LPAR5: variants seen among roughly 807,000 people sequenced by gnomAD.
The protein encoded by LPAR5 is G protein-coupled receptor 92.
For missense variants in LPAR5, 544 were observed against 521.8 expected, an observed-to-expected ratio of 1.04 and a Z score of -0.41; for synonymous variants, 271 against 261.6, an observed-to-expected ratio of 1.04 and a Z score of -0.35.
intron 1 of LPAR5, among the ~76,000 whole-genome samples, chr12:6,631,116 A>G (rs1948978310): frequency 6.6e-6 from 1 of 152,230 alleles, no homozygotes; most frequent in Admixed American, 6.5e-5. Context: ...AAGGAACACC[A>G]GGAAGGAGGG....
chr12:6,623,506 C>T (rs1948911367), intron 1 of LPAR5, among the ~76,000 whole-genome samples: 1 of 151,954 alleles, frequency 6.6e-6, no homozygotes, highest in African/African-American at 2.4e-5. Flanking sequence ...TGCACTCCAG[C>T]CTGGGTGACA....
chr12:6,625,404 A>G (rs552699622), intron 1 of LPAR5, among the ~76,000 whole-genome samples: 2,544 of 116,736 alleles, frequency 0.022, 43 homozygotes, highest in Non-Finnish European at 0.033. Context: ...CAGCCTGGGC[A>G]ACAGAGACTC....
chr12:6,625,691 C>T (rs1319108506), intron 1 of LPAR5, among the ~76,000 whole-genome samples: 1 of 150,480 alleles, frequency 6.6e-6, no homozygotes, highest in Non-Finnish European at 1.5e-5. Flanking sequence ...CCACTGCATT[C>T]CAGCCTGGGC....
chr12:6,620,574 C>G lies in LPAR5; in HGVS notation c.675G>C (p.Gln225His). The change falls in exon 2 of 2, where the codon CAG (glutamine) becomes CAC (histidine). Residue 225 changes from glutamine (Q) to histidine (H), a missense_variant. Gln to His is a conservative substitution (Grantham distance 24). Coordinates refer to ENST00000329858, the MANE Select transcript of LPAR5 (RefSeq NM_020400.6). This position sits in a 1 kb window ranked among gnomAD's most constrained non-coding sequence, Gnocchi z 6.8. Reference sequence around the variant, plus strand: ...GCACGGTCTTCCGCCGCCGCTGGCTCTGCGTGGCGTCGGGGCGCGCCAGCG... The same window carrying G: ...GCACGGTCTTCCGCCGCCGCTGGCTGTGCGTGGCGTCGGGGCGCGCCAGCG... ...FWTLARPDAT[Q>H]SQRRRKTVRL... 6.4e-7 allele frequency: 1 copy of G among 1,553,474 alleles called. No individual in the cohort carries two copies. The highest frequency in any genetic ancestry group is 8.7e-7 in the Non-Finnish European group (1 of 1,148,818).
In LPAR5 at chr12:6,620,658, C is replaced by G; in HGVS notation, c.591G>C (p.Ala197=). ...RLLPLVLLAE[A]LGFLLPLAAV... ...CCGCCAGGGGCAGCAGGAAGCCCAGCGCCTCGGCCAGCAGCACGAGGGGCA... is the reference window on the plus strand; with the variant it reads ...CCGCCAGGGGCAGCAGGAAGCCCAGGGCCTCGGCCAGCAGCACGAGGGGCA... The change falls in exon 2 of 2, where the codon GCG becomes GCC. Residue 197 remains alanine (A), a synonymous_variant. Transcript: ENST00000329858. The surrounding 1 kb of genome is among the most constrained non-coding windows in gnomAD (Gnocchi z 6.8). 3 of 1,557,586 alleles carry G rather than the reference C, an allele frequency of 1.9e-6. No individual in the cohort carries two copies. The highest frequency in any genetic ancestry group is 2.4e-5 in the South Asian group (2 of 85,040).
intron 1 of LPAR5, among the ~76,000 whole-genome samples, chr12:6,624,052 T>C (rs1422837244): frequency 2.0e-5 from 3 of 152,196 alleles, no homozygotes; most frequent in Non-Finnish European, 4.4e-5. Flanking sequence ...AGGGCTGGAT[T>C]TGTGGTCAAA....
Position 6,620,247 on chromosome 12 carries a change from C to T in LPAR5, c.1002G>A (p.Arg334=). The T allele has an allele frequency of 6.2e-7, 1 of 1,610,646 alleles. No individual in the cohort carries two copies. The highest frequency in any genetic ancestry group is 1.1e-5 in the South Asian group (1 of 90,800). ...GTRAALAQSE[R]SAVTTDATRP... ...TGGTGGCGTCGGTGGTGACGGCGGA[C>T]CTTTCGGATTGCGCGAGCGCCGCCC... Residue 334 remains arginine (R), a synonymous_variant, in exon 2 of 2, where the codon AGG becomes AGA. Transcript: ENST00000329858. This position sits in a 1 kb window ranked among gnomAD's most constrained non-coding sequence, Gnocchi z 6.8.
chr12:6,623,408 C>T (rs566238911), intron 1 of LPAR5, among the ~76,000 whole-genome samples: 8 of 151,758 alleles, frequency 5.3e-5, no homozygotes, highest in Non-Finnish European at 1.0e-4. Context: ...GTGGCGTGCA[C>T]TTGTAATCCC....
chr12:6,632,153 C>G (rs563369288), intron 1 of LPAR5, among the ~76,000 whole-genome samples: 1 of 151,846 alleles, frequency 6.6e-6, no homozygotes, highest in African/African-American at 2.4e-5. Flanking sequence ...TTGTATTTTT[C>G]GTAGAGACGG....
rs1301538752 is a variant in LPAR5 at position 6,620,189 on chromosome 12, G to A, written c.1060C>T (p.Pro354Ser). ...PDAASQGLLRPSDSHSLSSFT... is the reference protein window; with the variant it reads ...PDAASQGLLRSSDSHSLSSFT... ...GAAGACAGAGAGTGGGAGTCGGAGG[G>A]TCGGAGCAGCCCCTGACTGGCGGCA... is the stretch of plus-strand genomic sequence containing the variant. Residue 354 changes from proline to serine, a missense_variant, in exon 2 of 2, where the codon CCC becomes TCC. Coordinates refer to ENST00000329858, the MANE Select transcript of LPAR5 (RefSeq NM_020400.6). The surrounding 1 kb of genome is among the most constrained non-coding windows in gnomAD (Gnocchi z 6.8). 6.2e-7 allele frequency: 1 copy of A among 1,613,240 alleles called. No homozygotes were observed. Among genetic ancestry groups the A allele is most frequent in the Non-Finnish European group, 8.5e-7 (1 of 1,179,580 alleles).
At position 6,619,627 on chromosome 12, in the gene LPAR5, GC is replaced by G. The variant is rs1472255123; in HGVS notation, c.*502del. On this transcript the variant is annotated 3_prime_UTR_variant, in exon 2 of 2. Coordinates refer to ENST00000329858, the MANE Select transcript of LPAR5 (RefSeq NM_020400.6). ...CTGTCCATAGGAACTCTTGTATTAG[GC>G]CTCAGTGGTGAGCAGGGGAAGCCTA... 1 of 297,876 alleles carries G rather than the reference GC, an allele frequency of 3.4e-6. No individual in the cohort carries two copies. Among genetic ancestry groups the G allele is most frequent in the Non-Finnish European group, 6.7e-6 (1 of 148,664 alleles). 18.5% of individuals were successfully genotyped at this position (297,876 alleles called of 1,614,324 possible).
intron 1 of LPAR5, among the ~76,000 whole-genome samples, chr12:6,630,676 T>C (rs896825258): frequency 7.9e-5 from 12 of 151,910 alleles, no homozygotes; most frequent in Non-Finnish European, 1.2e-4. Context: ...GGTATTGAAC[T>C]CCTGACCTGA....
At chr12:6,627,969 A>G (rs1020109886) in intron 1 of LPAR5, among the ~76,000 whole-genome samples, 2 of 151,998 alleles carry the variant, frequency 1.3e-5, no homozygotes, top group Non-Finnish European at 2.9e-5. Context: ...ACAAGATTTC[A>G]ATAACAGTTT....
chr12:6,629,089 C>T (rs1470380848), intron 1 of LPAR5, among the ~76,000 whole-genome samples: 1 of 146,560 alleles, frequency 6.8e-6, no homozygotes, highest in Admixed American at 6.8e-5. Context: ...GAAAAAGTTA[C>T]AATGTACCGG....
In LPAR5 at chr12:6,632,845, A is replaced by T. The variant is rs1027510986; in HGVS notation, c.-217+3062T>A. On this transcript the variant is annotated intron_variant, in intron 1 of 1. Transcript: ENST00000329858. Reference sequence around the variant, plus strand: ...TGGGCGGGGAGGCCTCCTTCTGCCCAGGGGCCACATTCTTCCTCAGAGAGG... The same window carrying T: ...TGGGCGGGGAGGCCTCCTTCTGCCCTGGGGCCACATTCTTCCTCAGAGAGG... Among the ~76,000 whole-genome samples, 8 of 152,306 alleles carry T rather than the reference A, an allele frequency of 5.3e-5. 1 individual carries two copies. Among genetic ancestry groups the T allele is most frequent in the Admixed American group, 2.0e-4 (3 of 15,300 alleles).
intron 1 of LPAR5, among the ~76,000 whole-genome samples, chr12:6,635,202 G>T (rs1024456668): frequency 1.3e-5 from 2 of 152,170 alleles, no homozygotes; most frequent in Non-Finnish European, 2.9e-5. Flanking sequence ...CAGGGAAGAG[G>T]TAGGCCCCAT....
intron 1 of LPAR5, among the ~76,000 whole-genome samples, chr12:6,632,881 A>ACGGATCC: frequency 6.6e-6 from 1 of 152,118 alleles, no homozygotes; most frequent in East Asian, 1.9e-4. Context: ...AGTCTCTGGC[A>ACGGATCC]CGGATCCCGG....
chr12:6,627,433 TACAA>T (rs553676495), intron 1 of LPAR5, among the ~76,000 whole-genome samples: 2 of 151,426 alleles, frequency 1.3e-5, no homozygotes, highest in African/African-American at 2.4e-5. Context: ...CTACTAAAAA[TACAA>T]ACAATTAGCC....
chr12:6,626,142 G>A (rs1305779253), intron 1 of LPAR5, among the ~76,000 whole-genome samples: 1 of 152,106 alleles, frequency 6.6e-6, no homozygotes, highest in African/African-American at 2.4e-5. Context: ...ATAGTGGCAG[G>A]TGCCTGTAAT....
Sources: allele counts gnomAD v4.1 joint callset (sites outside exome capture counted in the v4.1 genomes callset), GRCh38; gene constraint gnomAD v4.1.1; non-coding constraint Gnocchi (gnomAD v3.1); transcripts MANE v1.5; gene names NCBI Gene and HGNC (gene_info 2026-07-23, HGNC 2026-07-21).